The following GPHN variants were observed in gnomAD, a reference collection of about 807,000 sequenced individuals.
GPHN encodes gephyrin.
In GPHN, 17 loss-of-function variants were observed where a neutral mutation model predicts 95.5. That is an observed-to-expected ratio of 0.18 (90% CI 0.12 to 0.27). GPHN has a LOEUF of 0.27. Ranked by LOEUF, GPHN falls within the 10% of genes least tolerant of loss-of-function variation. The probability of loss-of-function intolerance (pLI) is 1.00; values close to 1 mark genes in which losing one functional copy is unlikely to be tolerated. For missense variants in GPHN, 660 were observed against 978.1 expected (o/e 0.67, Z 4.34); for synonymous variants, 320 against 322.5 (o/e 0.99, Z 0.08).
chr14:67,403,609 T>C, the GPHN span, among the ~76,000 whole-genome samples: 3 of 152,306 alleles, frequency 2.0e-5, no homozygotes, highest in Admixed American at 2.0e-4. Flanking sequence ...TCCTAACTGA[T>C]AGCAAAGGAG....
At chr14:66,952,777 C>T (rs1411322058) in intron 8 of GPHN, among the ~76,000 whole-genome samples, 5 of 152,142 alleles carry the variant, frequency 3.3e-5, no homozygotes, top group Non-Finnish European at 4.4e-5. Context: ...TCACTGCAAC[C>T]TCAGCCTCCC....
chr14:66,511,339 A>G (rs1186378385), intron 1 of GPHN, among the ~76,000 whole-genome samples: 1 of 152,108 alleles, frequency 6.6e-6, no homozygotes, highest in African/African-American at 2.4e-5. Context: ...GTTGAGTTGA[A>G]CTGTGGTTTT....
intron 8 of GPHN, among the ~76,000 whole-genome samples, chr14:66,939,364 A>G (rs1049842852): frequency 2.0e-5 from 3 of 152,132 alleles, no homozygotes; most frequent in Non-Finnish European, 4.4e-5. Context: ...ATGAGCAAAG[A>G]TTGTTGTAGA....
the GPHN span, among the ~76,000 whole-genome samples, chr14:67,553,345 C>G: frequency 6.6e-6 from 1 of 152,094 alleles, no homozygotes; most frequent in African/African-American, 2.4e-5. Flanking sequence ...TGCTCCTCAT[C>G]ATTGCATTCA....
At chr14:66,844,997 T>A (rs1406719664) in intron 4 of GPHN, among the ~76,000 whole-genome samples, 1 of 152,196 alleles carries the variant, frequency 6.6e-6, no homozygotes, top group Non-Finnish European at 1.5e-5. Flanking sequence ...AGTGTCTAGC[T>A]TATTTCACTT....
intron 1 of GPHN, among the ~76,000 whole-genome samples, chr14:66,671,190 G>A (rs2066288255): frequency 6.6e-6 from 1 of 152,036 alleles, no homozygotes; most frequent in South Asian, 2.1e-4. Flanking sequence ...ATTTAACTTG[G>A]CATATTAATC....
chr14:67,059,517 A>G (rs549826906), intron 11 of GPHN, among the ~76,000 whole-genome samples: 111 of 152,342 alleles, frequency 7.3e-4, no homozygotes, highest in African/African-American at 2.5e-3. Flanking sequence ...TATAAATAAA[A>G]AACTTTATAG....
At chr14:67,466,862 G>A in the GPHN span, among the ~76,000 whole-genome samples, 2 of 151,986 alleles carry the variant, frequency 1.3e-5, no homozygotes, top group Non-Finnish European at 1.5e-5. Context: ...GAGCATGGTG[G>A]CACGGGCCTG....
chr14:66,869,377 A>G (rs1256085406), intron 4 of GPHN, among the ~76,000 whole-genome samples: 3 of 152,304 alleles, frequency 2.0e-5, no homozygotes, highest in Middle Eastern at 6.8e-3. Flanking sequence ...TTCTCTTGTT[A>G]TATTTGTAAT....
intron 1 of GPHN, among the ~76,000 whole-genome samples, chr14:66,593,350 A>G (rs1220457656): frequency 6.6e-6 from 1 of 152,076 alleles, no homozygotes; most frequent in Non-Finnish European, 1.5e-5. Flanking sequence ...ATTTATCAAT[A>G]AAAGAGGTTT....
the GPHN span, chr14:67,559,585 G>A: frequency 2.8e-5 from 42 of 1,523,754 alleles, no homozygotes; most frequent in East Asian, 7.1e-5. Context: ...TGGGATTAAC[G>A]GAAGGCCCTC....
the GPHN span, among the ~76,000 whole-genome samples, chr14:67,442,428 T>TTG: frequency 2.0e-5 from 3 of 151,942 alleles, no homozygotes; most frequent in Non-Finnish European, 2.9e-5. Flanking sequence ...AATAGAAAAA[T>TTG]TGTGTGTGTG....
the GPHN span, among the ~76,000 whole-genome samples, chr14:67,239,670 A>G: frequency 6.6e-6 from 1 of 152,178 alleles, no homozygotes; most frequent in Non-Finnish European, 1.5e-5. Flanking sequence ...AGCTTGGCCA[A>G]TGTGGCGAAA....
intron 4 of GPHN, among the ~76,000 whole-genome samples, chr14:66,833,573 T>G (rs1039046882): frequency 1.3e-5 from 2 of 152,150 alleles, no homozygotes; most frequent in African/African-American, 4.8e-5. Flanking sequence ...CTTAGACTCT[T>G]TTTTGAATCA....
chr14:66,607,041 G>C (rs1318249165), intron 1 of GPHN, among the ~76,000 whole-genome samples: 1 of 152,036 alleles, frequency 6.6e-6, no homozygotes, highest in Admixed American at 6.6e-5. Context: ...GAATGACTCC[G>C]GCTTTTGCCC....
At chr14:66,881,434 A>C (rs1463329899) in intron 5 of GPHN, among the ~76,000 whole-genome samples, 2 of 151,862 alleles carry the variant, frequency 1.3e-5, no homozygotes, top group African/African-American at 4.8e-5. Context: ...AAGCAATAAC[A>C]TCAGGAAAGA....
chr14:66,826,205 G>A (rs2061379701), intron 4 of GPHN, among the ~76,000 whole-genome samples: 1 of 152,094 alleles, frequency 6.6e-6, no homozygotes, highest in South Asian at 2.1e-4. Context: ...ATCACAAAAT[G>A]TTTTGTATCC....
the GPHN span, among the ~76,000 whole-genome samples, chr14:67,291,574 C>T: frequency 6.6e-6 from 1 of 152,142 alleles, no homozygotes; most frequent in Non-Finnish European, 1.5e-5. Flanking sequence ...TGAGCCACTG[C>T]GCCCAGCCTA....
At chr14:67,710,082 G>T in the GPHN span, among the ~76,000 whole-genome samples, 1 of 152,148 alleles carries the variant, frequency 6.6e-6, no homozygotes, top group African/African-American at 2.4e-5. Flanking sequence ...GTTTTAAGTT[G>T]TTCCACCTTT....
Sources: gnomAD v4.1 joint callset for allele counts (sites outside exome capture counted in the v4.1 genomes callset) on GRCh38, gnomAD v4.1.1 for gene constraint, MANE v1.5 for transcripts, NCBI Gene and HGNC (gene_info 2026-07-23, HGNC 2026-07-21) for gene names.